The following PCNX1 variants were observed in gnomAD, a reference collection of about 807,000 sequenced individuals.
PCNX1 encodes pecanex 1.
Under a neutral mutation model 242.2 loss-of-function variants are expected in PCNX1, and 78 were observed. The observed-to-expected ratio is 0.32, with a 90% confidence interval of 0.27 to 0.39. PCNX1 has a LOEUF of 0.39. PCNX1 is among the 10% of genes least tolerant of loss of function. The probability of loss-of-function intolerance (pLI) is 1.00; values close to 1 mark genes in which losing one functional copy is unlikely to be tolerated. For missense variants in PCNX1, 2,581 were observed against 2,856.5 expected (o/e 0.90, Z 2.20); for synonymous variants, 1,024 against 1,032.9 (o/e 0.99, Z 0.17).
chr14:71,091,216 G>A (rs61990453), intron 30 of PCNX1, among the ~76,000 whole-genome samples: 2,163 of 152,220 alleles, frequency 0.014, 24 homozygotes, highest in Middle Eastern at 0.034. Context: ...TATATTGATC[G>A]TCACTTTGAG....
chr14:70,977,673 G>A lies in PCNX1; in HGVS notation c.1336G>A (p.Asp446Asn). Residue 446 changes from aspartate (D) to asparagine (N), a missense_variant, in exon 6 of 36, where the codon GAC becomes AAC. Physicochemically the swap from Asp to Asn is conservative, Grantham distance 23. Around this residue, in one of 9 missense-constraint regions of PCNX1, gnomAD observed 1,204 missense variants for 1,216.7 expected, o/e 0.99. Transcript: ENST00000304743. ...GPEEKNSCASDKRTSSEKIAM... is the reference protein window; with the variant it reads ...GPEEKNSCASNKRTSSEKIAM... ...AGAGGAGAAGAATAGCTGTGCCAGT[G>A]ACAAAAGGACTAGCAGTGAAAAGAT... The A allele has an allele frequency of 6.2e-7, 1 of 1,614,080 alleles. No individual in the cohort carries two copies. The highest frequency in any genetic ancestry group is 8.5e-7 in the Non-Finnish European group (1 of 1,180,010).
intron 21 of PCNX1, 88 bp from the exon 22 acceptor site, chr14:71,047,719 G>A: frequency 9.1e-7 from 1 of 1,098,474 alleles, no homozygotes; most frequent in Non-Finnish European, 1.3e-6. Flanking sequence ...TATAAGCTTA[G>A]TAAAGTAAAT....
At chr14:70,996,874 T>G (rs2059368159) in intron 8 of PCNX1, among the ~76,000 whole-genome samples, 1 of 152,176 alleles carries the variant, frequency 6.6e-6, no homozygotes, top group Non-Finnish European at 1.5e-5. Flanking sequence ...ATGCTACCTA[T>G]TCATTGACTC....
intron 1 of PCNX1, among the ~76,000 whole-genome samples, chr14:70,914,713 CTCTA>C (rs776520135): frequency 5.9e-5 from 9 of 152,164 alleles, no homozygotes; most frequent in Non-Finnish European, 7.4e-5. Flanking sequence ...TGTTTTATTC[CTCTA>C]TCTGTCCACC....
chr14:71,024,966 C>A (rs945315957), intron 13 of PCNX1, among the ~76,000 whole-genome samples: 1 of 152,110 alleles, frequency 6.6e-6, no homozygotes, highest in Non-Finnish European at 1.5e-5. Flanking sequence ...TAAATAAATA[C>A]CTCATAGAGA....
At chr14:71,030,332 CCTTT>C (rs1330630817) in intron 16 of PCNX1, among the ~76,000 whole-genome samples, 2 of 152,072 alleles carry the variant, frequency 1.3e-5, no homozygotes, top group African/African-American at 4.8e-5. Flanking sequence ...GGCTTGACTT[CCTTT>C]CTTTCTTTTT....
chr14:70,937,054 T>C (rs1194798073), intron 1 of PCNX1, among the ~76,000 whole-genome samples: 1 of 152,218 alleles, frequency 6.6e-6, no homozygotes, highest in Non-Finnish European at 1.5e-5. Context: ...GATGGATAGA[T>C]TGTAAAAATT....
intron 1 of PCNX1, among the ~76,000 whole-genome samples, chr14:70,910,041 C>T (rs1594861649): frequency 1.4e-5 from 1 of 71,396 alleles, no homozygotes; most frequent in Non-Finnish European, 2.9e-5. Flanking sequence ...CCCTCCTCCT[C>T]CTCCTCCTCC....
Position 70,977,427 on chromosome 14 carries a change from G to A in PCNX1, c.1090G>A (p.Ala364Thr), listed in dbSNP as rs2058718299. 2.5e-6 allele frequency: 4 copies of A among 1,613,980 alleles called. No homozygotes were observed. The Admixed American group carries it at 5.0e-5, about 20-fold the overall frequency. The change falls in exon 6 of 36, where the codon GCA becomes ACA. Residue 364 changes from alanine to threonine, a missense_variant. By Grantham distance (58) the Ala-to-Thr change is moderately conservative. Around this residue, in one of 9 missense-constraint regions of PCNX1, gnomAD observed 1,204 missense variants for 1,216.7 expected, o/e 0.99. Coordinates refer to ENST00000304743, the MANE Select transcript of PCNX1 (RefSeq NM_014982.3). Reference protein sequence around the residue: ...TKSGKSKPLKAEKSMDSLRSL... With the variant: ...TKSGKSKPLKTEKSMDSLRSL... ...AAGTGGGAAGAGCAAACCTTTGAAA[G>A]CAGAGAAAAGCATGGACAGCTTGAG...
At chr14:71,074,117 G>A (rs2061653296) in intron 27 of PCNX1, among the ~76,000 whole-genome samples, 1 of 152,182 alleles carries the variant, frequency 6.6e-6, no homozygotes, top group African/African-American at 2.4e-5. Flanking sequence ...ATACTGTAAA[G>A]AAGTATTTCC....
At position 71,009,713 on chromosome 14, in the gene PCNX1, A is replaced by G; in HGVS notation, c.2709A>G (p.Ala903=). ...ATTTTGAACCAGCAGCAAGAAGAGC[A>G]TCCAATATCTGGTATGTGTGAAGTC... The part of the protein sequence containing the change: ...LVNFEPAARR[A]SNICDTDSHV... The change falls in exon 9 of 36, where the codon GCA becomes GCG. Residue 903 remains alanine (A), a synonymous_variant. Coordinates refer to ENST00000304743, the MANE Select transcript of PCNX1 (RefSeq NM_014982.3). 6.3e-7 allele frequency: 1 copy of G among 1,590,278 alleles called. No homozygotes were observed. The highest frequency in any genetic ancestry group is 8.6e-7 in the Non-Finnish European group (1 of 1,160,740).
rs776355164 is a variant in PCNX1 at position 71,076,208 on chromosome 14, C to T, written c.5126C>T (p.Thr1709Met). 29 of 1,605,964 alleles carry T rather than the reference C, an allele frequency of 1.8e-5. No individual in the cohort carries two copies. The Admixed American group carries it at 1.8e-4, about 10-fold the overall frequency. Residue 1709 changes from threonine to methionine, a missense_variant, in exon 28 of 36, where the codon ACG (threonine) becomes ATG (methionine). By Grantham distance (81) the Thr-to-Met change is moderately conservative. This residue lies in a region of PCNX1 where 298 missense variants were observed against 480.1 expected (regional missense o/e 0.62). Transcript: ENST00000304743. ...TGTTAGGGTATCATTTATTATGTTA[C>T]GACCTCGTCTAAGCTAGAGGAGTGG... ...YYVKGIIYYVTTSSKLEEWLA... is the reference protein window; with the variant it reads ...YYVKGIIYYVMTSSKLEEWLA...
Position 71,074,875 on chromosome 14 carries a change from A to G in PCNX1, c.5106+1077A>G, listed in dbSNP as rs540165285. Among the ~76,000 whole-genome samples the G allele has an allele frequency of 2.6e-5, 4 of 152,222 alleles. 1 individual carries two copies. Among genetic ancestry groups the G allele is most frequent in the African/African-American group, 9.6e-5 (4 of 41,556 alleles). On this transcript the variant is annotated intron_variant, in intron 27 of 35. Coordinates refer to ENST00000304743, the MANE Select transcript of PCNX1 (RefSeq NM_014982.3). ...TTTGCTAAAGAGTTTACAGAAATACAGTATGGTTGTCACTTAGGGGCTTCC... is the reference window on the plus strand; with the variant it reads ...TTTGCTAAAGAGTTTACAGAAATACGGTATGGTTGTCACTTAGGGGCTTCC...
intron 26 of PCNX1, among the ~76,000 whole-genome samples, chr14:71,069,340 A>T (rs1244767279): frequency 6.6e-6 from 1 of 152,248 alleles, no homozygotes; most frequent in Non-Finnish European, 1.5e-5. Context: ...AGTCAATTTA[A>T]ATATTAGCAA....
intron 12 of PCNX1, 89 bp downstream of exon 12, chr14:71,019,251 T>A: frequency 9.9e-7 from 1 of 1,010,068 alleles, no homozygotes; most frequent in Non-Finnish European, 1.4e-6. Context: ...TATAGTAAGA[T>A]AATTATTTTT....
intron 3 of PCNX1, among the ~76,000 whole-genome samples, chr14:70,966,943 C>G (rs1020946558): frequency 6.6e-6 from 1 of 151,962 alleles, no homozygotes; most frequent in African/African-American, 2.4e-5. Context: ...ATTGCAATGT[C>G]TTTTATGGCT....
chr14:71,011,594 A>C (rs1441422156), intron 10 of PCNX1, 45 bp downstream of exon 10: 1 of 1,070,988 alleles, frequency 9.3e-7, no homozygotes, highest in African/African-American at 1.6e-5. Flanking sequence ...TTTCAGATTA[A>C]ATCTGAAATA....
intron 3 of PCNX1, among the ~76,000 whole-genome samples, chr14:70,964,996 G>A (rs1267794252): frequency 5.3e-5 from 8 of 152,066 alleles, no homozygotes; most frequent in Non-Finnish European, 1.0e-4. Flanking sequence ...ACATACTGTT[G>A]TTTCTTGTAT....
chr14:71,098,680 C>T (rs181841363), intron 30 of PCNX1, among the ~76,000 whole-genome samples: 37 of 152,072 alleles, frequency 2.4e-4, no homozygotes, highest in Non-Finnish European at 3.8e-4. Context: ...AACTTGAAGT[C>T]ATTTATCAGT....
Sources: allele counts gnomAD v4.1 joint callset (sites outside exome capture counted in the v4.1 genomes callset), GRCh38; gene constraint gnomAD v4.1.1; regional missense constraint gnomAD v4.1.1; transcripts MANE v1.5; gene names NCBI Gene and HGNC (gene_info 2026-07-23, HGNC 2026-07-21).